The following GRM7 variants were observed in gnomAD, a reference collection of about 807,000 sequenced individuals.
GRM7 encodes metabotropic glutamate receptor 7.
GRM7 carries 35 observed loss-of-function variants against 84.5 expected under a neutral mutation model. The ratio of observed to expected loss-of-function variants is 0.41; its 90% CI spans 0.32 to 0.55. The LOEUF (loss-of-function observed/expected upper bound fraction) is 0.55, where lower values mean the gene tolerates loss of function less well. Ranked by LOEUF, GRM7 falls within the 20% of genes least tolerant of loss-of-function variation. The probability of loss-of-function intolerance (pLI) is 0.19; values close to 1 mark genes in which losing one functional copy is unlikely to be tolerated. For synonymous variants in GRM7, 487 were observed against 455.1 expected, an observed-to-expected ratio of 1.07 and a Z score of -0.89; for missense variants, 1,003 against 1,194.6, an observed-to-expected ratio of 0.84 and a Z score of 2.36.
intron 1 of GRM7, among the ~76,000 whole-genome samples, chr3:6,981,807 C>T (rs548338094): frequency 1.3e-4 from 20 of 151,894 alleles, no homozygotes; most frequent in Non-Finnish European, 1.6e-4. Flanking sequence ...CAGATGCTGT[C>T]GAGGCTGTAG....
chr3:7,525,967 G>A (rs1386977168), intron 7 of GRM7, among the ~76,000 whole-genome samples: 1 of 152,086 alleles, frequency 6.6e-6, no homozygotes, highest in African/African-American at 2.4e-5. Context: ...ACCACCAATG[G>A]GCATCAGAAG....
At chr3:7,359,486 C>A (rs1575216763) in intron 4 of GRM7, among the ~76,000 whole-genome samples, 3 of 146,744 alleles carry the variant, frequency 2.0e-5, no homozygotes, top group Admixed American at 6.8e-5. Flanking sequence ...AGGAGTGTGC[C>A]AGAATGCCTG....
intron 1 of GRM7, among the ~76,000 whole-genome samples, chr3:7,113,597 C>T (rs778928504): frequency 3.3e-5 from 5 of 152,122 alleles, no homozygotes; most frequent in Non-Finnish European, 7.3e-5. Context: ...TTTTAGGGTT[C>T]ACTCTTGGTG....
intron 1 of GRM7, among the ~76,000 whole-genome samples, chr3:7,133,063 T>A (rs1693656259): frequency 6.6e-6 from 1 of 152,156 alleles, no homozygotes; most frequent in Admixed American, 6.5e-5. Flanking sequence ...AAGAAGTTCC[T>A]GGCTGTGTCC....
intron 1 of GRM7, among the ~76,000 whole-genome samples, chr3:7,070,386 C>T (rs374046186): frequency 6.6e-6 from 1 of 152,092 alleles, no homozygotes; most frequent in Non-Finnish European, 1.5e-5. Flanking sequence ...ATGCTTAACA[C>T]TTTTCTTCTG....
At chr3:7,686,747 C>T (rs1055301544) in intron 9 of GRM7, among the ~76,000 whole-genome samples, 11 of 152,124 alleles carry the variant, frequency 7.2e-5, no homozygotes, top group Non-Finnish European at 1.3e-4. Context: ...TTAAAACTAC[C>T]AGTGGTGAAA....
chr3:6,889,959 G>C (rs1263745012), intron 1 of GRM7, among the ~76,000 whole-genome samples: 1 of 152,132 alleles, frequency 6.6e-6, no homozygotes, highest in East Asian at 1.9e-4. Flanking sequence ...GTTTAGTCTT[G>C]GGAGGGTGTA....
intron 2 of GRM7, among the ~76,000 whole-genome samples, chr3:7,210,941 A>G (rs1204996650): frequency 6.6e-6 from 1 of 152,200 alleles, no homozygotes; most frequent in Non-Finnish European, 1.5e-5. Flanking sequence ...AAAATCACTT[A>G]TTAAATGAAG....
intron 1 of GRM7, among the ~76,000 whole-genome samples, chr3:7,113,882 G>T (rs1160677357): frequency 6.6e-6 from 1 of 152,042 alleles, no homozygotes; most frequent in East Asian, 1.9e-4. Flanking sequence ...ACTGACAAGT[G>T]ATTTACTTGT....
At chr3:7,701,770 A>G (rs1171929013) in intron 9 of GRM7, among the ~76,000 whole-genome samples, 3 of 152,126 alleles carry the variant, frequency 2.0e-5, no homozygotes, top group African/African-American at 7.2e-5. Flanking sequence ...ACTGAACACT[A>G]AGTTCAACAG....
chr3:7,622,610 A>T (rs979971207), intron 8 of GRM7, among the ~76,000 whole-genome samples: 2 of 152,082 alleles, frequency 1.3e-5, no homozygotes, highest in African/African-American at 4.8e-5. Context: ...CATATTTTCA[A>T]GCAGGGATGG....
intron 1 of GRM7, among the ~76,000 whole-genome samples, chr3:6,954,499 C>A (rs1265569935): frequency 6.6e-6 from 1 of 152,136 alleles, no homozygotes; most frequent in Non-Finnish European, 1.5e-5. Context: ...GGTCTGAACA[C>A]CTGTAACTGA....
At chr3:7,577,123 C>A (rs1464138670) in intron 7 of GRM7, among the ~76,000 whole-genome samples, 1 of 152,146 alleles carries the variant, frequency 6.6e-6, no homozygotes. Flanking sequence ...CAGAAAAAGT[C>A]AAGAAATTAA....
At chr3:7,324,256 CTAGT>C (rs1179941487) in intron 4 of GRM7, among the ~76,000 whole-genome samples, 1 of 152,188 alleles carries the variant, frequency 6.6e-6, no homozygotes, top group African/African-American at 2.4e-5. Flanking sequence ...CTTGAAAAAT[CTAGT>C]TACTCTCCTT....
intron 4 of GRM7, among the ~76,000 whole-genome samples, chr3:7,355,128 C>T (rs1307354217): frequency 6.6e-6 from 1 of 152,080 alleles, no homozygotes; most frequent in African/African-American, 2.4e-5. Flanking sequence ...TTTTTTACTT[C>T]ACTCAAATTT....
chr3:7,075,111 T>C (rs1698018112), intron 1 of GRM7, among the ~76,000 whole-genome samples: 1 of 152,176 alleles, frequency 6.6e-6, no homozygotes, highest in African/African-American at 2.4e-5. Context: ...GGTCAGGGGA[T>C]TTATGCAAAA....
chr3:7,730,089 G>T (rs1702262197), intron 9 of GRM7, among the ~76,000 whole-genome samples: 1 of 148,848 alleles, frequency 6.7e-6, no homozygotes, highest in Admixed American at 6.6e-5. Context: ...TGGACAGGCT[G>T]GTTTCGATCT....
At chr3:6,998,151 A>G (rs184174613) in intron 1 of GRM7, among the ~76,000 whole-genome samples, 1 of 150,192 alleles carries the variant, frequency 6.7e-6, no homozygotes, top group Non-Finnish European at 1.5e-5. Flanking sequence ...CAGGTTAGTT[A>G]CCTCCTAGAT....
chr3:6,869,819 T>G (rs1249071949), intron 1 of GRM7, among the ~76,000 whole-genome samples: 2 of 152,196 alleles, frequency 1.3e-5, no homozygotes, highest in Non-Finnish European at 2.9e-5. Flanking sequence ...CTGGCAGCCT[T>G]GAGCTTGAAT....
Sources: gnomAD v4.1 joint callset for allele counts (sites outside exome capture counted in the v4.1 genomes callset) on GRCh38, gnomAD v4.1.1 for gene constraint, MANE v1.5 for transcripts, NCBI Gene and HGNC (gene_info 2026-07-23, HGNC 2026-07-21) for gene names.